MYO16: variants seen among roughly 807,000 people sequenced by gnomAD.
The protein encoded by MYO16 is myosin XVI.
In MYO16, 94 loss-of-function variants were observed where a neutral mutation model predicts 205.3. The ratio of observed to expected loss-of-function variants is 0.46; its 90% CI spans 0.39 to 0.54. The LOEUF is 0.54. Among genes scored for constraint, MYO16 ranks in the 20% least tolerant of loss-of-function variants. The pLI is 0.00. For synonymous variants in MYO16, 988 were observed against 954.0 expected, an observed-to-expected ratio of 1.04 and a Z score of -0.66; for missense variants, 2,315 against 2,387.5, an observed-to-expected ratio of 0.97 and a Z score of 0.63.
chr13:108,796,776 G>T (rs12583145), intron 6 of MYO16, among the ~76,000 whole-genome samples: 8,468 of 104,490 alleles, frequency 0.081, 1,341 homozygotes, highest in East Asian at 0.34. Context: ...GTGGGGTGGG[G>T]GGAGCGGGGA....
intron 11 of MYO16, among the ~76,000 whole-genome samples, chr13:108,862,992 A>G (rs1878520544): frequency 6.6e-6 from 1 of 152,134 alleles, no homozygotes; most frequent in African/African-American, 2.4e-5. Context: ...AATAAGAAGA[A>G]AAAATTATTT....
intron 4 of MYO16, among the ~76,000 whole-genome samples, chr13:108,781,146 TTCAC>T (rs1268898927): frequency 6.6e-6 from 1 of 152,230 alleles, no homozygotes; most frequent in Non-Finnish European, 1.5e-5. Flanking sequence ...TATATAGTAT[TTCAC>T]TGGGAACATT....
chr13:108,696,022 G>T (rs1406958734), intron 2 of MYO16, among the ~76,000 whole-genome samples: 2 of 152,140 alleles, frequency 1.3e-5, no homozygotes, highest in Non-Finnish European at 2.9e-5. Flanking sequence ...ACACAGAGTG[G>T]TTTTTTCAAT....
chr13:108,990,528 G>A (rs1459571566), intron 20 of MYO16, among the ~76,000 whole-genome samples: 2 of 150,344 alleles, frequency 1.3e-5, no homozygotes, highest in Non-Finnish European at 3.0e-5. Flanking sequence ...AAAAAAAATT[G>A]CATTTGTTTT....
At chr13:108,737,172 A>G (rs1884733404) in intron 4 of MYO16, among the ~76,000 whole-genome samples, 2 of 152,168 alleles carry the variant, frequency 1.3e-5, no homozygotes, top group South Asian at 2.1e-4. Flanking sequence ...TTCCAACACT[A>G]TGTTGAATAG....
chr13:108,638,432 C>G (rs1351672476), intron 1 of MYO16, among the ~76,000 whole-genome samples: 1 of 152,174 alleles, frequency 6.6e-6, no homozygotes, highest in East Asian at 1.9e-4. Flanking sequence ...TCATGCTCCT[C>G]AAATACCTTT....
At chr13:108,917,654 G>A (rs760406125) in intron 16 of MYO16, among the ~76,000 whole-genome samples, 54 of 152,178 alleles carry the variant, frequency 3.5e-4, no homozygotes, top group Non-Finnish European at 7.2e-4. Flanking sequence ...AATATTGTAT[G>A]AGGTTAAGAC....
intron 2 of MYO16, among the ~76,000 whole-genome samples, chr13:108,711,935 G>A (rs1000882846): frequency 6.6e-6 from 1 of 152,108 alleles, no homozygotes; most frequent in African/African-American, 2.4e-5. Flanking sequence ...TAGTGCCTTG[G>A]GGGATTGAAG....
chr13:109,119,183 G>A (rs995852864), intron 28 of MYO16, among the ~76,000 whole-genome samples: 1 of 152,172 alleles, frequency 6.6e-6, no homozygotes, highest in African/African-American at 2.4e-5. Context: ...CCATTCTGAA[G>A]ACAAGTCTGA....
intron 9 of MYO16, among the ~76,000 whole-genome samples, chr13:108,836,935 G>A (rs540085761): frequency 7.2e-5 from 11 of 152,238 alleles, no homozygotes; most frequent in Admixed American, 2.0e-4. Flanking sequence ...GGACTTTTGC[G>A]TTAATGCTGG....
intron 4 of MYO16, among the ~76,000 whole-genome samples, chr13:108,765,881 T>C (rs1885762749): frequency 6.6e-6 from 1 of 152,192 alleles, no homozygotes; most frequent in Non-Finnish European, 1.5e-5. Context: ...CCTCCGGCAG[T>C]TTACAAAGGG....
At chr13:108,905,366 G>A (rs902485893) in intron 15 of MYO16, among the ~76,000 whole-genome samples, 2 of 152,112 alleles carry the variant, frequency 1.3e-5, no homozygotes, top group Non-Finnish European at 2.9e-5. Context: ...TGGTTTAATC[G>A]GGCTGCCTCT....
At chr13:109,004,398 C>T (rs937893053) in intron 21 of MYO16, among the ~76,000 whole-genome samples, 2 of 152,090 alleles carry the variant, frequency 1.3e-5, no homozygotes, top group African/African-American at 4.8e-5. Context: ...TCCTTTATAA[C>T]AAAATTACCT....
At chr13:109,186,108 G>A (rs563119354) in intron 34 of MYO16, among the ~76,000 whole-genome samples, 2 of 152,274 alleles carry the variant, frequency 1.3e-5, no homozygotes, top group Non-Finnish European at 2.9e-5. Context: ...TGAGGCTGCA[G>A]TGAGCTGTCT....
In MYO16 at chr13:108,883,177, T is replaced by G. The variant is rs1465748291; in HGVS notation, c.1544T>G (p.Phe515Cys). 6.2e-7 allele frequency: 1 copy of G among 1,613,820 alleles called. No individual in the cohort carries two copies. Among genetic ancestry groups the G allele is most frequent in the Non-Finnish European group, 8.5e-7 (1 of 1,179,856 alleles). The change falls in exon 13 of 35, where the codon TTC becomes TGC. Residue 515 changes from phenylalanine to cysteine, a missense_variant. Around this residue, in one of 3 missense-constraint regions of MYO16, gnomAD observed 1,213 missense variants for 1,274.4 expected, o/e 0.95. Coordinates refer to ENST00000457511, the MANE Select transcript of MYO16 (RefSeq NM_001198950.3). ...QLFREQRPQC[F>C]ILSGERGSGK... Reference sequence around the variant, plus strand: ...TTCCGGGAACAGCGGCCTCAGTGTTTCATCCTCAGGTGAGTCCTCCTCAAC... The same window carrying G: ...TTCCGGGAACAGCGGCCTCAGTGTTGCATCCTCAGGTGAGTCCTCCTCAAC...
At chr13:108,661,168 G>A (rs977011698) in intron 1 of MYO16, among the ~76,000 whole-genome samples, 1 of 152,086 alleles carries the variant, frequency 6.6e-6, no homozygotes, top group Non-Finnish European at 1.5e-5. Flanking sequence ...AATCTGATAG[G>A]TTTTCTTTCT....
At chr13:109,082,445 TGGG>T (rs1888309748) in intron 27 of MYO16, among the ~76,000 whole-genome samples, 1 of 152,182 alleles carries the variant, frequency 6.6e-6, no homozygotes. Context: ...ATTATAAATA[TGGG>T]GCTTAACAAA....
intron 6 of MYO16, among the ~76,000 whole-genome samples, chr13:108,794,538 G>T (rs981660347): frequency 5.9e-5 from 9 of 152,108 alleles, no homozygotes; most frequent in African/African-American, 2.2e-4. Context: ...GGATGACTTT[G>T]GTGAGTGAAT....
intron 4 of MYO16, among the ~76,000 whole-genome samples, chr13:108,772,276 G>A (rs1885991851): frequency 6.6e-6 from 1 of 152,052 alleles, no homozygotes. Flanking sequence ...GGAGAGCCTG[G>A]GAGGTTTAGC....
Sources: gnomAD v4.1 joint callset for allele counts (sites outside exome capture counted in the v4.1 genomes callset) on GRCh38, gnomAD v4.1.1 for gene constraint, gnomAD v4.1.1 regional missense constraint, MANE v1.5 for transcripts, NCBI Gene and HGNC (gene_info 2026-07-23, HGNC 2026-07-21) for gene names.